Variants in GALNT2 observed in about 807,000 individuals in gnomAD.
GALNT2 encodes the protein polypeptide N-acetylgalactosaminyltransferase 2.
In GALNT2, 31 loss-of-function variants were observed where a neutral mutation model predicts 81.4. The observed-to-expected ratio is 0.38, with a 90% confidence interval of 0.29 to 0.51. GALNT2 has a LOEUF of 0.51. Ranked by LOEUF, GALNT2 falls within the 20% of genes least tolerant of loss-of-function variation. GALNT2 has a pLI of 0.87. For missense variants in GALNT2, 629 were observed against 765.7 expected, an observed-to-expected ratio of 0.82 and a Z score of 2.11; for synonymous variants, 303 against 287.4, an observed-to-expected ratio of 1.05 and a Z score of -0.55.
intron 1 of GALNT2, among the ~76,000 whole-genome samples, chr1:230,104,668 C>T (rs766914809): frequency 1.3e-5 from 2 of 152,216 alleles, no homozygotes; most frequent in Admixed American, 6.5e-5. Flanking sequence ...CCACCCATGT[C>T]CCCAGTGGCT....
intron 2 of GALNT2, among the ~76,000 whole-genome samples, chr1:230,187,490 G>T (rs893393384): frequency 9.6e-5 from 14 of 146,540 alleles, no homozygotes; most frequent in Admixed American, 7.7e-4. Flanking sequence ...GCAGCCCCCC[G>T]GCAGCATCTG....
intron 1 of GALNT2, among the ~76,000 whole-genome samples, chr1:230,141,788 C>CTTTTTTTTT: frequency 2.0e-5 from 2 of 101,332 alleles, no homozygotes; most frequent in Non-Finnish European, 3.8e-5. Context: ...TTTTGTTTTC[C>CTTTTTTTTT]TTTTTTTTTT....
At chr1:230,220,517 T>C (rs1572101230) in intron 3 of GALNT2, among the ~76,000 whole-genome samples, 1 of 152,120 alleles carries the variant, frequency 6.6e-6, no homozygotes, top group African/African-American at 2.4e-5. Flanking sequence ...CAGGTTGCCC[T>C]TGAGATTGGT....
intron 1 of GALNT2, among the ~76,000 whole-genome samples, chr1:230,176,347 G>A (rs1662978687): frequency 6.6e-6 from 1 of 152,180 alleles, no homozygotes; most frequent in Non-Finnish European, 1.5e-5. Flanking sequence ...TACAGATGAT[G>A]ACTTTATTTT....
At chr1:230,059,418 T>A (rs1658991880) in intron 1 of GALNT2, among the ~76,000 whole-genome samples, 1 of 152,244 alleles carries the variant, frequency 6.6e-6, no homozygotes, top group Non-Finnish European at 1.5e-5. Context: ...AGTTTCCTAC[T>A]CATTACCTTA....
At chr1:230,226,435 T>C (rs1465408957) in intron 3 of GALNT2, among the ~76,000 whole-genome samples, 1 of 152,218 alleles carries the variant, frequency 6.6e-6, no homozygotes, top group Non-Finnish European at 1.5e-5. Flanking sequence ...AGACTGTATT[T>C]TAATATGTTC....
At chr1:230,239,980 T>C (rs1665149622) in intron 6 of GALNT2, among the ~76,000 whole-genome samples, 1 of 152,254 alleles carries the variant, frequency 6.6e-6, no homozygotes, top group African/African-American at 2.4e-5. Context: ...ACTATCGTTA[T>C]CATGCTTTTC....
At chr1:230,064,156 G>C (rs1245925014), upstream of GALNT2, among the ~76,000 whole-genome samples, 1 of 151,928 alleles carries the variant, frequency 6.6e-6, no homozygotes, top group African/African-American at 2.4e-5. Context: ...TTTAACATCT[G>C]GTCTGTCTGT....
chr1:230,211,569 A>G (rs1290995684), intron 3 of GALNT2, among the ~76,000 whole-genome samples: 1 of 152,116 alleles, frequency 6.6e-6, no homozygotes, highest in East Asian at 1.9e-4. Flanking sequence ...CTGAAGCAGG[A>G]GGATAGCTTG....
chr1:230,064,646 G>C (rs186683522), upstream of GALNT2, among the ~76,000 whole-genome samples: 1 of 152,110 alleles, frequency 6.6e-6, no homozygotes. Flanking sequence ...TCAGCCTCTC[G>C]AGTAGCTGCG....
chr1:230,090,826 G>C (rs921331309), intron 1 of GALNT2, among the ~76,000 whole-genome samples: 5 of 152,204 alleles, frequency 3.3e-5, no homozygotes, highest in Non-Finnish European at 7.3e-5. Flanking sequence ...GGCTATCTCA[G>C]ACTTAGCTTT....
chr1:230,073,147 A>G (rs1386172548), intron 1 of GALNT2, among the ~76,000 whole-genome samples: 2 of 152,150 alleles, frequency 1.3e-5, no homozygotes, highest in Non-Finnish European at 2.9e-5. Context: ...TCCTCTATGG[A>G]GAATTACATT....
intron 1 of GALNT2, among the ~76,000 whole-genome samples, chr1:230,132,428 C>G (rs1232902483): frequency 1.3e-5 from 2 of 152,188 alleles, no homozygotes; most frequent in Admixed American, 6.5e-5. Flanking sequence ...ATGAGGCTGC[C>G]TTCCATCACA....
chr1:230,184,800 G>A (rs576530730), intron 2 of GALNT2, among the ~76,000 whole-genome samples: 15 of 152,220 alleles, frequency 9.9e-5, no homozygotes, highest in African/African-American at 2.4e-4. Context: ...GAAATTCTTA[G>A]TCATTATTGC....
At chr1:230,066,799 C>T (rs1038243640), upstream of GALNT2, among the ~76,000 whole-genome samples, 168 of 152,278 alleles carry the variant, frequency 1.1e-3, no homozygotes, top group Non-Finnish European at 2.0e-3. Context: ...GTGAGCAAGG[C>T]TCTTTGCCCA....
intron 1 of GALNT2, among the ~76,000 whole-genome samples, chr1:230,106,018 G>A (rs147569704): frequency 1.3e-5 from 2 of 152,168 alleles, no homozygotes; most frequent in Non-Finnish European, 1.5e-5. Flanking sequence ...TCTTTAGTCC[G>A]GTCTTCGGAC....
chr1:230,248,821 C>CT (rs1176154424), intron 8 of GALNT2, among the ~76,000 whole-genome samples: 1 of 152,150 alleles, frequency 6.6e-6, no homozygotes, highest in African/African-American at 2.4e-5. Flanking sequence ...GTTGGATGCT[C>CT]TTTTTCCTCA....
chr1:230,194,809 G>T (rs980904637), intron 2 of GALNT2, among the ~76,000 whole-genome samples: 1 of 152,202 alleles, frequency 6.6e-6, no homozygotes, highest in Non-Finnish European at 1.5e-5. Context: ...AGCAGCTTCC[G>T]GGCTGGGCCC....
At chr1:230,170,332 C>T (rs1662750268) in intron 1 of GALNT2, among the ~76,000 whole-genome samples, 2 of 152,202 alleles carry the variant, frequency 1.3e-5, no homozygotes, top group African/African-American at 4.8e-5. Flanking sequence ...TGAAGCCTGT[C>T]TCTGGTCTCT....
Sources: gnomAD v4.1 joint callset for allele counts (sites outside exome capture counted in the v4.1 genomes callset) on GRCh38, gnomAD v4.1.1 for gene constraint, MANE v1.5 for transcripts, NCBI Gene and HGNC (gene_info 2026-07-23, HGNC 2026-07-21) for gene names.